FXR1: variants seen among roughly 807,000 people sequenced by gnomAD.
FXR1 encodes the protein RNA-binding protein FXR1.
FXR1 carries 15 observed loss-of-function variants against 84.0 expected under a neutral mutation model. That is an observed-to-expected ratio of 0.18 (90% confidence interval 0.12 to 0.27). The LOEUF (loss-of-function observed/expected upper bound fraction) is 0.27, where lower values mean the gene tolerates loss of function less well. Among genes scored for constraint, FXR1 ranks in the 10% least tolerant of loss-of-function variants. FXR1 has a pLI of 1.00. For missense variants in FXR1, 480 were observed against 774.4 expected (o/e 0.62, Z 4.51); for synonymous variants, 245 against 250.7 (o/e 0.98, Z 0.21).
intron 3 of FXR1, among the ~76,000 whole-genome samples, chr3:180,941,348 A>G (rs1476982441): frequency 6.6e-6 from 1 of 151,934 alleles, no homozygotes; most frequent in African/African-American, 2.4e-5. Context: ...GTGTGCTACC[A>G]TGCTGGGCTA....
chr3:180,959,806 T>C (rs1711856982), intron 10 of FXR1, among the ~76,000 whole-genome samples: 1 of 152,134 alleles, frequency 6.6e-6, no homozygotes, highest in Admixed American at 6.6e-5. Context: ...ACCTCTGTAA[T>C]AGCTGTGCTA....
At chr3:180,919,223 G>A (rs1414786759) in intron 1 of FXR1, among the ~76,000 whole-genome samples, 2 of 151,260 alleles carry the variant, frequency 1.3e-5, no homozygotes, top group Non-Finnish European at 2.9e-5. Flanking sequence ...ATACAAATTG[G>A]GTTTCAAAGC....
intron 7 of FXR1, among the ~76,000 whole-genome samples, chr3:180,950,368 T>G (rs1014877857): frequency 2.6e-5 from 4 of 152,226 alleles, no homozygotes; most frequent in African/African-American, 7.2e-5. Flanking sequence ...TAAAACAGTT[T>G]CTTTTCCCCA....
Position 180,976,240 on chromosome 3 carries a change from C to T in FXR1, c.1814C>T (p.Thr605Ile). Reference sequence around the variant, plus strand: ...ACTCCAGGAGAAGAAAAGATTAATACCTTAAAAGAAGAAAACACTCAAGAA... The same window carrying T: ...ACTCCAGGAGAAGAAAAGATTAATATCTTAAAAGAAGAAAACACTCAAGAA... ...QRTPGEEKIN[T>I]LKEENTQEAA... The change falls in exon 17 of 17, where the codon ACC (threonine) becomes ATC (isoleucine). Residue 605 changes from threonine (T) to isoleucine (I), a missense_variant. Coordinates refer to ENST00000357559, the MANE Select transcript of FXR1 (RefSeq NM_005087.4). 3 of 1,611,866 alleles carry T rather than the reference C, an allele frequency of 1.9e-6. No individual in the cohort carries two copies. The highest frequency in any genetic ancestry group is 2.5e-6 in the Non-Finnish European group (3 of 1,178,360).
chr3:180,951,186 GCA>G, intron 7 of FXR1, 110 bp from the exon 8 acceptor site: 3 of 643,150 alleles, frequency 4.7e-6, no homozygotes, highest in Non-Finnish European at 8.2e-6. Flanking sequence ...TCACGCCACT[GCA>G]CCCTAGCCTT....
intron 2 of FXR1, among the ~76,000 whole-genome samples, chr3:180,933,790 A>C (rs1193112372): frequency 6.6e-6 from 1 of 152,092 alleles, no homozygotes; most frequent in Non-Finnish European, 1.5e-5. Context: ...GAAAGACAGC[A>C]TGCTGGGTTT....
intron 1 of FXR1, chr3:180,915,055 A>G (rs1384779009): frequency 1.1e-5 from 4 of 360,044 alleles, no homozygotes; most frequent in Non-Finnish European, 1.6e-5. Flanking sequence ...TCTCTGTCTA[A>G]CATGAGGGGC....
At chr3:180,955,864 G>A (rs1278275656) in intron 9 of FXR1, among the ~76,000 whole-genome samples, 1 of 152,176 alleles carries the variant, frequency 6.6e-6, no homozygotes, top group Non-Finnish European at 1.5e-5. Flanking sequence ...AGTACCTGTT[G>A]TCTCTTTTCC....
At position 180,975,421 on chromosome 3, in the gene FXR1, C is replaced by A. The variant is rs746858121; in HGVS notation, c.1695+17C>A. ...AAAGAAATGGTAAGGAGAATTTAAC[C>A]TGTAGGTTTTTTTTTTTTTTAATTT... is the stretch of plus-strand genomic sequence containing the variant. On this transcript the variant is annotated intron_variant, in intron 16 of 16. Transcript: ENST00000357559. 2 of 1,045,790 alleles carry A rather than the reference C, an allele frequency of 1.9e-6. No homozygotes were observed. The highest frequency in any genetic ancestry group is 2.8e-6 in the Non-Finnish European group (2 of 707,014). The allele number at this position is 1,045,790 out of a possible 1,614,324, so 64.8% of individuals were successfully genotyped here. A position where few individuals can be genotyped will look rare whatever the true frequency, so the allele number is the denominator to read the frequency against.
chr3:180,928,276 T>G (rs1719466526), intron 1 of FXR1, among the ~76,000 whole-genome samples: 1 of 152,136 alleles, frequency 6.6e-6, no homozygotes, highest in Admixed American at 6.5e-5. Context: ...TTCTGTTCCT[T>G]TAAAATATCT....
rs139202315 is a variant in FXR1, at chr3:180,914,845, A to G, written c.51+2109A>G. The stretch of plus-strand genomic sequence containing the variant: ...AGCCACCTGTGTGTGCACTGAAATC[A>G]TGTACGCTTGAACATTTGGAATTTT... On this transcript the variant is annotated intron_variant, in intron 1 of 16. Coordinates refer to ENST00000357559, the MANE Select transcript of FXR1 (RefSeq NM_005087.4). 62 of 984,792 alleles carry G rather than the reference A, an allele frequency of 6.3e-5. No individual in the cohort carries two copies. The Middle Eastern group carries it at 1.6e-3, about 25-fold the overall frequency. The allele number at this position is 984,792 out of a possible 1,614,324, so 61.0% of individuals were successfully genotyped here. A position where few individuals can be genotyped will look rare whatever the true frequency, so the allele number is the denominator to read the frequency against.
intron 3 of FXR1, among the ~76,000 whole-genome samples, chr3:180,947,240 G>T (rs149058338): frequency 7.9e-5 from 12 of 152,224 alleles, no homozygotes; most frequent in African/African-American, 2.9e-4. Context: ...TAGAGACAGG[G>T]TTTACCGTGT....
chr3:180,948,054 G>C (rs1289849095), intron 4 of FXR1, 118 bp downstream of exon 4: 1 of 660,874 alleles, frequency 1.5e-6, no homozygotes, highest in Non-Finnish European at 2.7e-6. Context: ...CTGAGAAATA[G>C]TTGATCAGAC....
chr3:180,916,217 AGT>A (rs969763846), intron 1 of FXR1, among the ~76,000 whole-genome samples: 56 of 152,332 alleles, frequency 3.7e-4, no homozygotes, highest in Admixed American at 3.0e-3. Context: ...GTTGAATGAC[AGT>A]GTATTTACAG....
rs753351424 is a variant in FXR1 at position 180,981,453 on chromosome 3, T to G, written c.*5161T>G. ...AACTAAAGGTGGAGAAAGAGTTAAC[T>G]TCCAGGACAACCCATTATAGCTCAC... On this transcript the variant is annotated 3_prime_UTR_variant, in exon 17 of 17. Transcript: ENST00000357559. 2.0e-5 allele frequency: 3 copies of G among 152,056 alleles called. No homozygotes were observed. Among genetic ancestry groups the G allele is most frequent in the South Asian group, 4.1e-4 (2 of 4,834 alleles). 9.4% of individuals were successfully genotyped at this position (152,056 alleles called of 1,614,324 possible). A position where few individuals can be genotyped will look rare whatever the true frequency, so the allele number is the denominator to read the frequency against.
chr3:180,926,506 A>ATTTTTTTTTTTTT (rs57540765), intron 1 of FXR1, among the ~76,000 whole-genome samples: 1 of 124,384 alleles, frequency 8.0e-6, no homozygotes, highest in Admixed American at 8.3e-5. Context: ...ATATATATAT[A>ATTTTTTTTTTTTT]TTTTTTTTTC....
At chr3:180,922,440 A>C (rs1157973069) in intron 1 of FXR1, among the ~76,000 whole-genome samples, 3 of 152,130 alleles carry the variant, frequency 2.0e-5, no homozygotes, top group Non-Finnish European at 4.4e-5. Context: ...TGTTCTTTTA[A>C]GACTTGCCTT....
chr3:180,952,303 A>C (rs1421605470), intron 8 of FXR1, among the ~76,000 whole-genome samples: 1 of 152,132 alleles, frequency 6.6e-6, no homozygotes, highest in Admixed American at 6.5e-5. Flanking sequence ...CTTTTCATAC[A>C]TAGCTCTTAT....
chr3:180,927,704 C>G, intron 1 of FXR1: 2 of 479,856 alleles, frequency 4.2e-6, no homozygotes, highest in Non-Finnish European at 7.3e-6. Flanking sequence ...AAGGTAGGAT[C>G]TACAAGACAC....
Sources: gnomAD v4.1 joint callset for allele counts (sites outside exome capture counted in the v4.1 genomes callset) on GRCh38, gnomAD v4.1.1 for gene constraint, MANE v1.5 for transcripts, NCBI Gene and HGNC (gene_info 2026-07-23, HGNC 2026-07-21) for gene names.